The following SLC4A4 variants were observed in gnomAD, a reference collection of about 807,000 sequenced individuals.
SLC4A4 encodes solute carrier family 4 member 4, also known as electrogenic sodium bicarbonate cotransporter 1.
In SLC4A4, 27 loss-of-function variants were observed where a neutral mutation model predicts 111.5. The observed-to-expected ratio is 0.24, with a 90% CI of 0.18 to 0.33. SLC4A4 has a LOEUF of 0.33. SLC4A4 is among the 10% of genes least tolerant of loss of function. The pLI is 1.00. For missense variants in SLC4A4, 909 were observed against 1,315.5 expected, an observed-to-expected ratio of 0.69 and a Z score of 4.78; for synonymous variants, 443 against 463.4, an observed-to-expected ratio of 0.96 and a Z score of 0.57.
chr4:71,113,627 T>C lies in SLC4A4; in HGVS notation c.-2+20835T>C, dbSNP rs537405070. Among the ~76,000 whole-genome samples the C allele has an allele frequency of 7.0e-4, 106 of 152,174 alleles. 1 individual carries two copies. Among genetic ancestry groups the C allele is most frequent in the Non-Finnish European group, 1.4e-3 (93 of 68,028 alleles). ...TAATTGCGGTGGTCATGCACTTTAATAGAGAACCACTGGTTTCTAAAGATG... is the reference window on the plus strand; with the variant it reads ...TAATTGCGGTGGTCATGCACTTTAACAGAGAACCACTGGTTTCTAAAGATG... On this transcript the variant is annotated intron_variant, in intron 2 of 26. Coordinates refer to the SLC4A4 transcript ENST00000649996.
At chr4:71,313,240 C>T (rs932963455) in intron 3 of SLC4A4, among the ~76,000 whole-genome samples, 1 of 152,128 alleles carries the variant, frequency 6.6e-6, no homozygotes, top group Non-Finnish European at 1.5e-5. Context: ...AGGACCTCTT[C>T]GAGGAGAACT....
At chr4:71,479,549 A>G (rs776256967) in intron 14 of SLC4A4, among the ~76,000 whole-genome samples, 93 of 151,916 alleles carry the variant, frequency 6.1e-4, no homozygotes, top group Non-Finnish European at 1.0e-3. Flanking sequence ...AAAATAAGAA[A>G]ATAAAAGATC....
chr4:71,326,901 T>C (rs1451144721), intron 3 of SLC4A4, among the ~76,000 whole-genome samples: 1 of 152,108 alleles, frequency 6.6e-6, no homozygotes, highest in Non-Finnish European at 1.5e-5. Flanking sequence ...AATGAATACT[T>C]AAAATGATAA....
chr4:71,186,462 G>T (rs537887142), upstream of SLC4A4, among the ~76,000 whole-genome samples: 1 of 152,168 alleles, frequency 6.6e-6, no homozygotes, highest in Non-Finnish European at 1.5e-5. Flanking sequence ...CTTTTGAGTA[G>T]GACAAAAAGC....
chr4:71,529,133 A>G (rs763333743), intron 16 of SLC4A4, among the ~76,000 whole-genome samples: 2 of 152,118 alleles, frequency 1.3e-5, no homozygotes, highest in African/African-American at 2.4e-5. Context: ...TAGCAACACC[A>G]TTAAAAGAAA....
chr4:71,468,195 A>G (rs1385082515), intron 13 of SLC4A4, among the ~76,000 whole-genome samples: 1 of 152,100 alleles, frequency 6.6e-6, no homozygotes, highest in Admixed American at 6.6e-5. Flanking sequence ...ATTGGAAAGA[A>G]TTTTATTCAT....
At position 71,339,319 on chromosome 4, in the gene SLC4A4, T is replaced by G. The variant is rs546158184; in HGVS notation, c.254-51T>G. The G allele has an allele frequency of 2.5e-5, 41 of 1,614,072 alleles. No homozygotes were observed. Among genetic ancestry groups the G allele is most frequent in the Middle Eastern group, 1.6e-4 (1 of 6,084 alleles). The stretch of plus-strand genomic sequence containing the variant: ...AGAGGAAGAGCCCGGAGCTCCACTT[T>G]CCTCAGGGTTGTCCAGCCAATGTTT... On this transcript the variant is annotated intron_variant, in intron 3 of 25. Transcript: ENST00000264485.
chr4:71,169,465 C>T (rs1319888294), intron 2 of SLC4A4, among the ~76,000 whole-genome samples: 1 of 152,130 alleles, frequency 6.6e-6, no homozygotes, highest in Non-Finnish European at 1.5e-5. Flanking sequence ...TGTCGAGCAC[C>T]TTTTCATATA....
At chr4:71,173,538 G>A (rs564328119) in intron 2 of SLC4A4, among the ~76,000 whole-genome samples, 6 of 152,098 alleles carry the variant, frequency 3.9e-5, no homozygotes, top group South Asian at 2.1e-4. Flanking sequence ...ATGCCACCAC[G>A]CCAGGCTAAT....
intron 18 of SLC4A4, among the ~76,000 whole-genome samples, chr4:71,540,448 A>G (rs941008915): frequency 6.6e-6 from 1 of 152,218 alleles, no homozygotes; most frequent in Non-Finnish European, 1.5e-5. Flanking sequence ...ACTTAAAATA[A>G]TCTCCAGTTT....
Position 71,535,306 on chromosome 4 carries a change from T to C in SLC4A4, c.2442+918T>C, listed in dbSNP as rs188024510. ...AAAAATATTCAGGAAATATAAAGAA[T>C]TGGCTGACTACAGAAACCCATTGAG... On this transcript the variant is annotated intron_variant, in intron 18 of 25. Coordinates refer to ENST00000264485, the MANE Select transcript of SLC4A4 (RefSeq NM_001098484.3). Among the ~76,000 whole-genome samples the C allele has an allele frequency of 4.9e-4, 74 of 152,192 alleles. No homozygotes were observed. The South Asian group carries it at 0.011, about 22-fold the overall frequency.
intron 1 of SLC4A4, among the ~76,000 whole-genome samples, chr4:71,201,516 C>T (rs1344384417): frequency 4.6e-5 from 7 of 152,278 alleles, no homozygotes; most frequent in South Asian, 4.1e-4. Flanking sequence ...TGCCTTATGA[C>T]GGGGGACTCT....
intron 2 of SLC4A4, among the ~76,000 whole-genome samples, chr4:71,096,910 A>G (rs1742574484): frequency 6.6e-6 from 1 of 152,210 alleles, no homozygotes; most frequent in South Asian, 2.1e-4. Flanking sequence ...TCACCTCCAA[A>G]AAAGCTGAGT....
At chr4:71,524,790 C>T (rs542877850) in intron 16 of SLC4A4, among the ~76,000 whole-genome samples, 13 of 151,908 alleles carry the variant, frequency 8.6e-5, no homozygotes, top group Non-Finnish European at 1.5e-4. Context: ...AAAATAAATG[C>T]TTTTTTACAC....
At chr4:71,114,739 G>A (rs1445976607) in intron 2 of SLC4A4, among the ~76,000 whole-genome samples, 2 of 140,356 alleles carry the variant, frequency 1.4e-5, no homozygotes, top group African/African-American at 5.6e-5. Flanking sequence ...CTGTTGGTGG[G>A]ACTGTAAACT....
At chr4:71,163,252 T>A (rs989522458) in intron 2 of SLC4A4, among the ~76,000 whole-genome samples, 10 of 152,206 alleles carry the variant, frequency 6.6e-5, no homozygotes, top group African/African-American at 2.2e-4. Flanking sequence ...CTACTTTAAG[T>A]GAAATGGGAG....
intron 14 of SLC4A4, among the ~76,000 whole-genome samples, chr4:71,478,898 A>G (rs1728618875): frequency 6.6e-6 from 1 of 151,774 alleles, no homozygotes; most frequent in African/African-American, 2.4e-5. Context: ...AAACTTTGGA[A>G]ATAAATTTCT....
At chr4:71,378,872 A>G (rs959095818) in intron 6 of SLC4A4, among the ~76,000 whole-genome samples, 5 of 152,034 alleles carry the variant, frequency 3.3e-5, no homozygotes, top group Admixed American at 6.6e-5. Flanking sequence ...CTCCACCTCA[A>G]TAGATCCTCA....
At chr4:71,091,500 G>A (rs1462207480) in intron 1 of SLC4A4, among the ~76,000 whole-genome samples, 1 of 150,754 alleles carries the variant, frequency 6.6e-6, no homozygotes, top group Non-Finnish European at 1.5e-5. Flanking sequence ...TGATCTGCTT[G>A]TCTCGGCCTC....
Sources: gnomAD v4.1 joint callset for allele counts (sites outside exome capture counted in the v4.1 genomes callset) on GRCh38, gnomAD v4.1.1 for gene constraint, MANE v1.5 for transcripts, NCBI Gene and HGNC (gene_info 2026-07-23, HGNC 2026-07-21) for gene names.